The following SYNC variants were observed in gnomAD, a reference collection of about 807,000 sequenced individuals.
SYNC encodes the protein syncoilin.
SYNC carries 38 observed loss-of-function variants against 49.5 expected under a neutral mutation model. The ratio of observed to expected loss-of-function variants is 0.77; its 90% CI spans 0.59 to 1.01. The LOEUF (loss-of-function observed/expected upper bound fraction) is 1.01, where lower values mean the gene tolerates loss of function less well. Among genes scored for constraint, SYNC ranks in the 50% least tolerant of loss-of-function variants. SYNC has a pLI of 0.00. For missense variants in SYNC, 579 were observed against 580.6 expected, an observed-to-expected ratio of 1.00 and a Z score of 0.03; for synonymous variants, 201 against 230.8, an observed-to-expected ratio of 0.87 and a Z score of 1.17.
chr1:32,687,229 C>T (rs1311635995), intron 2 of SYNC, among the ~76,000 whole-genome samples: 1 of 151,874 alleles, frequency 6.6e-6, no homozygotes, highest in Non-Finnish European at 1.5e-5. Context: ...GGCGTGGTGG[C>T]AGGTGCCTGT....
Position 32,702,633 on chromosome 1 carries a change from C to A in SYNC, c.28G>T (p.Gly10Trp), listed in dbSNP as rs1307390995. The stretch of plus-strand genomic sequence containing the variant: ...CTCGCGGCCTGGGCGGCGCCGTCCC[C>A]GCCGCGCCGGGGCTCCGGGCTGGCC... Reference protein sequence around the residue: MASPEPRRGGDGAAQAARKT... With the variant: MASPEPRRGWDGAAQAARKT... Residue 10 changes from glycine (G) to tryptophan (W), a missense_variant, in exon 1 of 5, where the codon GGG (glycine) becomes TGG (tryptophan). Coordinates refer to ENST00000409190, the MANE Select transcript of SYNC (RefSeq NM_030786.3). This position sits in a 1 kb window ranked among gnomAD's most constrained non-coding sequence, Gnocchi z 6.2. 8.2e-7 allele frequency: 1 copy of A among 1,214,498 alleles called. No homozygotes were observed. Among genetic ancestry groups the A allele is most frequent in the South Asian group, 4.0e-5 (1 of 25,162 alleles). The allele number at this position is 1,214,498 out of a possible 1,614,324, so 75.2% of individuals were successfully genotyped here.
chr1:32,696,386 C>T (rs1650429362), intron 1 of SYNC, among the ~76,000 whole-genome samples: 1 of 152,012 alleles, frequency 6.6e-6, no homozygotes, highest in Admixed American at 6.6e-5. Context: ...GTGATGTCGG[C>T]TCACTGCAAC....
chr1:32,690,528 C>G (rs1019898936), intron 2 of SYNC, among the ~76,000 whole-genome samples: 1 of 151,658 alleles, frequency 6.6e-6, no homozygotes, highest in African/African-American at 2.4e-5. Flanking sequence ...ACCTGTAATC[C>G]CAGCTACTTG....
chr1:32,697,220 T>C (rs1650472548), intron 1 of SYNC, among the ~76,000 whole-genome samples: 1 of 149,840 alleles, frequency 6.7e-6, no homozygotes, highest in African/African-American at 2.5e-5. Flanking sequence ...ATCAGGCGGA[T>C]CACCTGAGGT....
Position 32,694,987 on chromosome 1 carries a change from T to C in SYNC, c.1111A>G (p.Met371Val), listed in dbSNP as rs1650337640. The part of the protein sequence containing the change: ...LQRTQAEIQE[M>V]KEALRPLQAE... ...TGCAGGGGTCTCAGAGCCTCCTTCATTTCCTGGATCTCAGCCTGGGTTCTC... is the reference window on the plus strand; with the variant it reads ...TGCAGGGGTCTCAGAGCCTCCTTCACTTCCTGGATCTCAGCCTGGGTTCTC... Residue 371 changes from methionine (M) to valine (V), a missense_variant, in exon 2 of 5, where the codon ATG becomes GTG. Transcript: ENST00000409190. 1 of 1,613,982 alleles carries C rather than the reference T, an allele frequency of 6.2e-7. No individual in the cohort carries two copies. Among genetic ancestry groups the C allele is most frequent in the Non-Finnish European group, 8.5e-7 (1 of 1,180,028 alleles).
chr1:32,684,510 T>C (rs1649682549), intron 2 of SYNC, 128 bp from the exon 3 acceptor site: 6 of 1,315,716 alleles, frequency 4.6e-6, no homozygotes, highest in Non-Finnish European at 6.2e-6. Context: ...CTGGTATTTA[T>C]ATGATAGGTT....
At chr1:32,691,079 A>G (rs1311580732) in intron 2 of SYNC, among the ~76,000 whole-genome samples, 1 of 152,056 alleles carries the variant, frequency 6.6e-6, no homozygotes, top group Non-Finnish European at 1.5e-5. Context: ...TTAGCCAGCT[A>G]TGGTGGCATG....
rs1321466798 is a variant in SYNC at position 32,682,130 on chromosome 1, G to A, written c.1439-270C>T. ...GTAGTTTCATTTCTTTGGATTAGTCGTTGTCTTTTCCAGATTGTACACAAT... is the reference window on the plus strand; with the variant it reads ...GTAGTTTCATTTCTTTGGATTAGTCATTGTCTTTTCCAGATTGTACACAAT... On this transcript the variant is annotated intron_variant, in intron 4 of 4. Transcript: ENST00000409190. The A allele has an allele frequency of 1.1e-4, 50 of 442,268 alleles. 1 individual carries two copies. The highest frequency in any genetic ancestry group is 8.6e-4 in the South Asian group (33 of 38,212). 27.4% of individuals were successfully genotyped at this position (442,268 alleles called of 1,614,324 possible).
chr1:32,697,308 G>GT (rs1557877933), intron 1 of SYNC, among the ~76,000 whole-genome samples: 2 of 151,182 alleles, frequency 1.3e-5, no homozygotes, highest in African/African-American at 4.9e-5. Context: ...GGGCGTGGTG[G>GT]TGCATGCCTG....
At chr1:32,689,002 A>G (rs914272323) in intron 2 of SYNC, among the ~76,000 whole-genome samples, 13 of 151,374 alleles carry the variant, frequency 8.6e-5, no homozygotes, top group Admixed American at 4.6e-4. Context: ...GCAGTGGCGC[A>G]GTCTCGGCTC....
chr1:32,684,241 T>C lies in SYNC; in HGVS notation c.1358+17A>G. The stretch of plus-strand genomic sequence containing the variant: ...CAGCCAGTATTAGATGAGATTTGTA[T>C]AGCAGCAGAAACTGACTTATAAGTA... On this transcript the variant is annotated intron_variant, in intron 3 of 4. Transcript: ENST00000409190. 1 of 1,614,194 alleles carries C rather than the reference T, an allele frequency of 6.2e-7. No homozygotes were observed. The highest frequency in any genetic ancestry group is 1.1e-5 in the South Asian group (1 of 91,086).
rs1649422925 is a variant in SYNC at position 32,681,324 on chromosome 1, G to T, written c.*526C>A. ...ACAATTTTAAGAGTAAACTATATGG[G>T]TCAGCATATCCTTGAACAAAAAGTA... On this transcript the variant is annotated 3_prime_UTR_variant, in exon 5 of 5. Coordinates refer to ENST00000409190, the MANE Select transcript of SYNC (RefSeq NM_030786.3). The T allele has an allele frequency of 6.5e-6, 1 of 154,686 alleles. No individual in the cohort carries two copies. 9.6% of individuals were successfully genotyped at this position (154,686 alleles called of 1,614,324 possible).
In SYNC at chr1:32,680,366, T is replaced by TC. The variant is rs888179056; in HGVS notation, c.*1483_*1484insG. ...TTTTTTTTTGTTGTTGGTTTTTTTT[T>TC]TTTTTTTTTTAACTTGGGACCACCA... On this transcript the variant is annotated 3_prime_UTR_variant, in exon 5 of 5. Coordinates refer to ENST00000409190, the MANE Select transcript of SYNC (RefSeq NM_030786.3). 2.6e-6 allele frequency: 3 copies of TC among 1,136,648 alleles called. No homozygotes were observed. The highest frequency in any genetic ancestry group is 2.2e-6 in the Non-Finnish European group (2 of 922,252). The allele number at this position is 1,136,648 out of a possible 1,614,324, so 70.4% of individuals were successfully genotyped here.
chr1:32,687,071 T>C (rs1032828276), intron 2 of SYNC, among the ~76,000 whole-genome samples: 4 of 152,226 alleles, frequency 2.6e-5, no homozygotes, highest in Non-Finnish European at 5.9e-5. Flanking sequence ...AAAGAATACA[T>C]AAAACTGGCC....
In SYNC at chr1:32,680,546, GT is replaced by G. The variant is rs1185002364; in HGVS notation, c.*1303del. The G allele has an allele frequency of 6.5e-7, 1 of 1,533,124 alleles. No individual in the cohort carries two copies. Among genetic ancestry groups the G allele is most frequent in the Non-Finnish European group, 8.8e-7 (1 of 1,135,120 alleles). 95.0% of individuals were successfully genotyped at this position (1,533,124 alleles called of 1,614,324 possible). A position where few individuals can be genotyped will look rare whatever the true frequency, so the allele number is the denominator to read the frequency against. On this transcript the variant is annotated 3_prime_UTR_variant, in exon 5 of 5. Transcript: ENST00000409190. ...TTTAGGAGTTAGTCCTTGACCACTA[GT>G]TTGATGCCATCTCCATTTTGGGTGA...
At chr1:32,692,100 C>T (rs1015019158) in intron 2 of SYNC, among the ~76,000 whole-genome samples, 2 of 151,750 alleles carry the variant, frequency 1.3e-5, no homozygotes, top group African/African-American at 2.4e-5. Context: ...GGTGCGGTGG[C>T]GGGCGCCTGC....
chr1:32,687,854 T>TATTATTATTATTATTATTATG (rs1423000746), intron 2 of SYNC, among the ~76,000 whole-genome samples: 296 of 22,134 alleles, frequency 0.013, 1 homozygote, highest in African/African-American at 0.017. Flanking sequence ...TTATTATTAT[T>TATTATTATTATTATTATTATG]ATTATTATTT....
In SYNC at chr1:32,702,534, C is replaced by G; in HGVS notation, c.53+74G>C. Reference sequence around the variant, plus strand: ...TAGACAGGCGAAAGACGCCCGCGGTCGGGGGGAAAGGGAACCCGTCCAGCA... The same window carrying G: ...TAGACAGGCGAAAGACGCCCGCGGTGGGGGGGAAAGGGAACCCGTCCAGCA... On this transcript the variant is annotated intron_variant, in intron 1 of 4. Transcript: ENST00000409190. This position sits in a 1 kb window ranked among gnomAD's most constrained non-coding sequence, Gnocchi z 6.2. 1 of 1,152,964 alleles carries G rather than the reference C, an allele frequency of 8.7e-7. No homozygotes were observed. The highest frequency in any genetic ancestry group is 1.1e-6 in the Non-Finnish European group (1 of 934,968). The allele number at this position is 1,152,964 out of a possible 1,614,324, so 71.4% of individuals were successfully genotyped here.
intron 2 of SYNC, among the ~76,000 whole-genome samples, chr1:32,690,191 G>A (rs1451974752): frequency 1.3e-5 from 2 of 152,034 alleles, no homozygotes; most frequent in African/African-American, 4.8e-5. Flanking sequence ...AGATTCATTT[G>A]ATAGAGATTA....
Sources: gnomAD v4.1 joint callset for allele counts (sites outside exome capture counted in the v4.1 genomes callset) on GRCh38, gnomAD v4.1.1 for gene constraint, Gnocchi (gnomAD v3.1) non-coding constraint, MANE v1.5 for transcripts, NCBI Gene and HGNC (gene_info 2026-07-23, HGNC 2026-07-21) for gene names.